Variants in CCDC191 observed in about 807,000 individuals in gnomAD.
The protein encoded by CCDC191 is coiled-coil domain-containing protein 191.
In CCDC191, 99 loss-of-function variants were observed where a neutral mutation model predicts 114.0. The observed-to-expected ratio is 0.87, with a 90% confidence interval of 0.74 to 1.03. CCDC191 has a LOEUF of 1.03. Among genes scored for constraint, CCDC191 ranks in the 50% least tolerant of loss-of-function variants. The probability of loss-of-function intolerance (pLI) is 0.00; values close to 1 mark genes in which losing one functional copy is unlikely to be tolerated. For missense variants in CCDC191, 973 were observed against 1,087.0 expected, an observed-to-expected ratio of 0.90 and a Z score of 1.47; for synonymous variants, 351 against 376.0, an observed-to-expected ratio of 0.93 and a Z score of 0.77.
In CCDC191 at chr3:113,986,803, G is replaced by A. The variant is rs536783155; in HGVS notation, c.2164-6010C>T. Among the ~76,000 whole-genome samples the A allele has an allele frequency of 6.3e-4, 96 of 152,152 alleles. 1 individual carries two copies. Among genetic ancestry groups the A allele is most frequent in the African/African-American group, 2.2e-3 (93 of 41,498 alleles). On this transcript the variant is annotated intron_variant, in intron 13 of 16. Transcript: ENST00000295878. ...TGCTTGCTTGCTCTCTCTCGCATGC[G>A]CTCTCTCCCTCTCCCCTCTGTCTCC...
At position 113,978,273 on chromosome 3, in the gene CCDC191, TTC is replaced by T; in HGVS notation, c.2517_2518del (p.Lys840AspfsTer7). 1 of 1,614,086 alleles carries T rather than the reference TTC, an allele frequency of 6.2e-7. No individual in the cohort carries two copies. On this transcript the variant is annotated frameshift_variant, in exon 16 of 17. Transcript: ENST00000295878. LOFTEE classifies it high-confidence loss of function. ...CATGTTAAACCAGGCCCTGAAAATCTTCTTTTGAAGAAAATGTACACAAAATT... is the reference window on the plus strand; with the variant it reads ...CATGTTAAACCAGGCCCTGAAAATCTTTTTGAAGAAAATGTACACAAAATT...
intron 8 of CCDC191, among the ~76,000 whole-genome samples, chr3:114,018,323 ATATTTTATTTTATTTTATTT>A (rs143204325): frequency 3.3e-5 from 5 of 150,886 alleles, no homozygotes; most frequent in Non-Finnish European, 7.4e-5. Context: ...TGTACAATGT[ATATTTTATTTTATTTTATTT>A]TATTTTATTT....
Position 114,005,964 on chromosome 3 carries a change from TGAGA to T in CCDC191, c.1414-6_1414-3del, listed in dbSNP as rs761550738. The T allele has an allele frequency of 1.2e-6, 2 of 1,612,088 alleles. No homozygotes were observed. Among genetic ancestry groups the T allele is most frequent in the South Asian group, 1.1e-5 (1 of 91,044 alleles). On this transcript the variant is annotated splice_polypyrimidine_tract_variant and splice_region_variant and intron_variant, in intron 9 of 16. Transcript: ENST00000295878. ...CCACAAAGGGGGCACAGCAGTCTCC[TGAGA>T]GAGAGAAACATGTTATAGCTCAACT... is the stretch of plus-strand genomic sequence containing the variant.
chr3:113,971,406 A>T (rs1297699682), intron 16 of CCDC191, among the ~76,000 whole-genome samples: 2 of 152,110 alleles, frequency 1.3e-5, no homozygotes, highest in Non-Finnish European at 2.9e-5. Flanking sequence ...AATTTTATTG[A>T]ATGCCTTTTT....
intron 11 of CCDC191, chr3:114,003,631 A>G: frequency 1.1e-5 from 11 of 985,316 alleles, no homozygotes; most frequent in Non-Finnish European, 1.3e-5. Context: ...ATAATTTTAA[A>G]AAAATAATCA....
chr3:114,044,000 C>T (rs1005771057), intron 3 of CCDC191, among the ~76,000 whole-genome samples: 2 of 151,936 alleles, frequency 1.3e-5, no homozygotes, highest in Non-Finnish European at 2.9e-5. Flanking sequence ...ATTAGGAGTT[C>T]GGTCCCAGAC....
intron 8 of CCDC191, 44 bp downstream of exon 8, chr3:114,018,634 T>C: frequency 6.8e-7 from 1 of 1,475,212 alleles, no homozygotes; most frequent in Non-Finnish European, 9.3e-7. Context: ...GAGGGAAATA[T>C]CCTAGATAAA....
chr3:113,991,629 A>T (rs1024648369), intron 13 of CCDC191, among the ~76,000 whole-genome samples: 1 of 152,208 alleles, frequency 6.6e-6, no homozygotes, highest in Non-Finnish European at 1.5e-5. Flanking sequence ...GTCTTCTCTC[A>T]TCATGCCTAT....
intron 3 of CCDC191, among the ~76,000 whole-genome samples, chr3:114,046,183 C>T (rs1334916770): frequency 6.6e-6 from 1 of 152,160 alleles, no homozygotes; most frequent in Non-Finnish European, 1.5e-5. Context: ...ATACCAAATT[C>T]CAGAAGAGTA....
chr3:114,054,500 G>A (rs2076739279), intron 1 of CCDC191, among the ~76,000 whole-genome samples: 2 of 152,162 alleles, frequency 1.3e-5, no homozygotes, highest in South Asian at 2.1e-4. Flanking sequence ...AACCAGGCGT[G>A]GTGGCGGGTG....
At chr3:114,041,305 T>C (rs1244949426) in intron 4 of CCDC191, among the ~76,000 whole-genome samples, 1 of 152,200 alleles carries the variant, frequency 6.6e-6, no homozygotes, top group Admixed American at 6.5e-5. Flanking sequence ...TTGAGAGTAC[T>C]GGTGCTATTT....
At chr3:114,006,619 A>ATAAAAAT (rs1559903359) in intron 9 of CCDC191, among the ~76,000 whole-genome samples, 1 of 92,546 alleles carries the variant, frequency 1.1e-5, no homozygotes, top group Admixed American at 1.0e-4. Context: ...TATATATATA[A>ATAAAAAT]ATATATATAT....
intron 14 of CCDC191, 120 bp from the exon 15 acceptor site, chr3:113,979,130 A>C: frequency 2.3e-6 from 2 of 877,758 alleles, no homozygotes; most frequent in South Asian, 1.6e-5. Context: ...GAATAATCTG[A>C]AGGTACATGC....
At chr3:114,012,118 G>C (rs1055453377) in intron 8 of CCDC191, among the ~76,000 whole-genome samples, 4 of 152,156 alleles carry the variant, frequency 2.6e-5, no homozygotes, top group East Asian at 1.9e-4. Context: ...AACTCAGTGA[G>C]TCAGGAGACC....
Position 114,001,630 on chromosome 3 carries a change from C to G in CCDC191, c.2128G>C (p.Glu710Gln), listed in dbSNP as rs1331329651. 6.2e-7 allele frequency: 1 copy of G among 1,613,778 alleles called. No individual in the cohort carries two copies. The highest frequency in any genetic ancestry group is 1.3e-5 in the African/African-American group (1 of 74,916). Reference protein sequence around the residue: ...REAEEKEAQLERKREEKRLKK... With the variant: ...REAEEKEAQLQRKREEKRLKK... ...AGTCTCTTCTCTTCTCGTTTTCTTT[C>G]AAGCTGTGCCTCCTTTTCTTCTGCC... Residue 710 changes from glutamate to glutamine, a missense_variant, in exon 13 of 17, where the codon GAA becomes CAA. Physicochemically the swap from Glu to Gln is conservative, Grantham distance 29. Transcript: ENST00000295878.
chr3:114,026,139 G>A (rs2076317844), intron 7 of CCDC191, among the ~76,000 whole-genome samples: 1 of 152,038 alleles, frequency 6.6e-6, no homozygotes, highest in Non-Finnish European at 1.5e-5. Flanking sequence ...TAAAAATAGG[G>A]ACCTCTGTAA....
At chr3:114,005,238 A>G (rs1470758266) in intron 10 of CCDC191, among the ~76,000 whole-genome samples, 1 of 152,192 alleles carries the variant, frequency 6.6e-6, no homozygotes, top group Non-Finnish European at 1.5e-5. Context: ...ATAGAGCAAG[A>G]CAGCATTTTT....
At chr3:114,011,067 T>C in intron 8 of CCDC191, 46 bp from the exon 9 acceptor site, 4 of 1,557,646 alleles carry the variant, frequency 2.6e-6, no homozygotes, top group Non-Finnish European at 3.5e-6. Flanking sequence ...CCATTTACAG[T>C]TTGTTAATTG....
At chr3:114,000,700 G>A (rs1235111329) in intron 13 of CCDC191, among the ~76,000 whole-genome samples, 1 of 151,690 alleles carries the variant, frequency 6.6e-6, no homozygotes, top group Non-Finnish European at 1.5e-5. Flanking sequence ...GCCCGGGTTG[G>A]AGCTCAGTGG....
Sources: allele counts gnomAD v4.1 joint callset (sites outside exome capture counted in the v4.1 genomes callset), GRCh38; gene constraint gnomAD v4.1.1; transcripts MANE v1.5; gene names NCBI Gene and HGNC (gene_info 2026-07-23, HGNC 2026-07-21).